MERTK: variants seen among roughly 807,000 people sequenced by gnomAD.
MERTK encodes MER proto-oncogene, tyrosine kinase, also known as tyrosine-protein kinase Mer.
A neutral mutation model predicts 99.3 loss-of-function variants in MERTK; 69 were observed. That is an observed-to-expected ratio of 0.70 (90% CI 0.57 to 0.85). The LOEUF is 0.85. MERTK is among the 40% of genes least tolerant of loss of function. The probability of loss-of-function intolerance (pLI) is 0.00; values close to 1 mark genes in which losing one functional copy is unlikely to be tolerated. For synonymous variants in MERTK, 426 were observed against 467.6 expected, an observed-to-expected ratio of 0.91 and a Z score of 1.15; for missense variants, 1,125 against 1,249.4, an observed-to-expected ratio of 0.90 and a Z score of 1.50.
At chr2:111,997,579 G>C (rs1676776127) in intron 10 of MERTK, 103 bp downstream of exon 10, 1 of 1,378,272 alleles carries the variant, frequency 7.3e-7, no homozygotes, top group Admixed American at 1.8e-5. Context: ...ATTGCTCCCA[G>C]ATGGCTGCCC....
intron 1 of MERTK, among the ~76,000 whole-genome samples, chr2:111,907,905 A>G (rs775066468): frequency 1.3e-5 from 2 of 152,226 alleles, no homozygotes; most frequent in African/African-American, 2.4e-5. Context: ...GCATTTTCGC[A>G]AGGTAGAAGC....
chr2:111,957,939 C>T (rs1407560810), intron 4 of MERTK, among the ~76,000 whole-genome samples: 2 of 152,194 alleles, frequency 1.3e-5, no homozygotes, highest in South Asian at 2.1e-4. Flanking sequence ...GTTGCTCCCT[C>T]AGCAATTCGG....
chr2:111,985,793 G>T (rs1676467844), intron 8 of MERTK, among the ~76,000 whole-genome samples: 2 of 152,062 alleles, frequency 1.3e-5, no homozygotes, highest in African/African-American at 4.8e-5. Flanking sequence ...CCTCCCACCA[G>T]GACCCTCCCA....
chr2:111,904,278 A>G (rs1684096929), intron 1 of MERTK, among the ~76,000 whole-genome samples: 1 of 151,922 alleles, frequency 6.6e-6, no homozygotes, highest in South Asian at 2.1e-4. Flanking sequence ...AACTTTTCCC[A>G]CATAACTCTT....
rs1683969481 is a variant in MERTK at position 111,898,612 on chromosome 2, G to T, written c.-124G>T. The T allele has an allele frequency of 1.7e-6, 2 of 1,158,370 alleles. No individual in the cohort carries two copies. The highest frequency in any genetic ancestry group is 2.5e-6 in the Non-Finnish European group (2 of 798,174). The allele number at this position is 1,158,370 out of a possible 1,614,324, so 71.8% of individuals were successfully genotyped here. On this transcript the variant is annotated 5_prime_UTR_variant, in exon 1 of 19. Coordinates refer to ENST00000295408, the MANE Select transcript of MERTK (RefSeq NM_006343.3). ...GCCGGCCGCTTGGCTCCGCCACTCGGCACTCACTGCCCGGGCCGCCCGGAC... is the reference window on the plus strand; with the variant it reads ...GCCGGCCGCTTGGCTCCGCCACTCGTCACTCACTGCCCGGGCCGCCCGGAC...
intron 6 of MERTK, among the ~76,000 whole-genome samples, chr2:111,973,668 G>A (rs1044457489): frequency 1.3e-5 from 2 of 152,134 alleles, no homozygotes; most frequent in East Asian, 1.9e-4. Flanking sequence ...TGTTTTACCC[G>A]ATATCATTTT....
Position 111,966,797 on chromosome 2 carries a change from A to G in MERTK, c.845-1340A>G, listed in dbSNP as rs1421776119. Reference sequence around the variant, plus strand: ...AGTGAGTCAAACCTTATTCTTCCCCATTCCCAAGGCTTTGTGTGTACTAAT... The same window carrying G: ...AGTGAGTCAAACCTTATTCTTCCCCGTTCCCAAGGCTTTGTGTGTACTAAT... On this transcript the variant is annotated intron_variant, in intron 5 of 18. Coordinates refer to ENST00000295408, the MANE Select transcript of MERTK (RefSeq NM_006343.3). Among the ~76,000 whole-genome samples, 6 of 152,158 alleles carry G rather than the reference A, an allele frequency of 3.9e-5. 1 individual carries two copies. Among genetic ancestry groups the G allele is most frequent in the African/African-American group, 1.4e-4 (6 of 41,426 alleles).
In MERTK at chr2:111,947,630, C is replaced by T. The variant is rs112234972; in HGVS notation, c.757+63C>T. ...ATAGCGGACAGGATCAAAAGTTTGGCGACCCTTGCTGTGCACCACTAGCAG... is the reference window on the plus strand; with the variant it reads ...ATAGCGGACAGGATCAAAAGTTTGGTGACCCTTGCTGTGCACCACTAGCAG... On this transcript the variant is annotated intron_variant, in intron 4 of 18. Transcript: ENST00000295408. The T allele has an allele frequency of 1.5e-4, 231 of 1,590,064 alleles. 2 individuals are homozygous for T. The East Asian group carries it at 1.5e-3, about 10-fold the overall frequency.
At chr2:111,918,293 G>A (rs752975274) in intron 1 of MERTK, among the ~76,000 whole-genome samples, 2 of 152,184 alleles carry the variant, frequency 1.3e-5, no homozygotes, top group African/African-American at 2.4e-5. Flanking sequence ...CTGGTCTTCC[G>A]GAGATAGTCA....
At chr2:112,026,028 T>C (rs1413312687) in intron 18 of MERTK, 1 of 153,218 alleles carries the variant, frequency 6.5e-6, no homozygotes, top group Non-Finnish European at 1.5e-5. Context: ...AAAATAAAAA[T>C]GACCATTTAC....
chr2:112,022,119 A>G (rs999964830), intron 17 of MERTK, 139 bp from the exon 18 acceptor site: 19 of 1,154,860 alleles, frequency 1.6e-5, no homozygotes, highest in South Asian at 5.2e-5. Context: ...CCGCGTTGGG[A>G]GAGCAGTGCG....
intron 6 of MERTK, 111 bp downstream of exon 6, chr2:111,968,363 G>C (rs1685400158): frequency 1.2e-6 from 1 of 833,696 alleles, no homozygotes; most frequent in Non-Finnish European, 2.0e-6. Flanking sequence ...TCTCTGTACA[G>C]AGTCCCCTGA....
At chr2:111,922,538 G>A (rs1032985405) in intron 1 of MERTK, among the ~76,000 whole-genome samples, 4 of 152,132 alleles carry the variant, frequency 2.6e-5, no homozygotes, top group Non-Finnish European at 4.4e-5. Context: ...CCTTATCCCC[G>A]CAGGGCCCAG....
chr2:112,024,851 G>A (rs542329589), intron 18 of MERTK: 3 of 153,596 alleles, frequency 2.0e-5, no homozygotes, highest in African/African-American at 7.2e-5. Context: ...GATCACTTGA[G>A]TTTAGGAGGT....
intron 8 of MERTK, among the ~76,000 whole-genome samples, chr2:111,989,420 G>A (rs1379520631): frequency 2.0e-5 from 3 of 150,394 alleles, no homozygotes; most frequent in East Asian, 1.9e-4. Flanking sequence ...GCAGTGGTGC[G>A]GTCTCCACTC....
chr2:111,958,865 G>A (rs901508859), intron 4 of MERTK, among the ~76,000 whole-genome samples: 2 of 151,998 alleles, frequency 1.3e-5, no homozygotes, highest in Admixed American at 1.3e-4. Context: ...ATAAACCTCC[G>A]GTTTTACCAC....
chr2:111,899,821 C>T (rs893569384), intron 1 of MERTK, among the ~76,000 whole-genome samples: 2 of 152,042 alleles, frequency 1.3e-5, no homozygotes, highest in East Asian at 1.9e-4. Context: ...CGGCTTGTTC[C>T]AGGCATTTTA....
intron 8 of MERTK, among the ~76,000 whole-genome samples, chr2:111,989,724 C>T (rs923349820): frequency 6.6e-6 from 1 of 152,184 alleles, no homozygotes; most frequent in East Asian, 1.9e-4. Flanking sequence ...AGTACCACCG[C>T]AGTTGCCCTG....
chr2:111,929,261 C>T lies in MERTK; in HGVS notation c.203C>T (p.Thr68Ile), dbSNP rs2104686522. 1 of 1,614,238 alleles carries T rather than the reference C, an allele frequency of 6.2e-7. No homozygotes were observed. Among genetic ancestry groups the T allele is most frequent in the Non-Finnish European group, 8.5e-7 (1 of 1,180,038 alleles). The change falls in exon 2 of 19, where the codon ACC becomes ATC. Residue 68 changes from threonine (T) to isoleucine (I), a missense_variant. Transcript: ENST00000295408. ...CAGCCTGCCTTGATGTTTTCACCAA[C>T]CCAGCCTGGAAGACCACATACAGGA... ...GYQPALMFSP[T>I]QPGRPHTGNV...
Sources: allele counts gnomAD v4.1 joint callset (sites outside exome capture counted in the v4.1 genomes callset), GRCh38; gene constraint gnomAD v4.1.1; transcripts MANE v1.5; gene names NCBI Gene and HGNC (gene_info 2026-07-23, HGNC 2026-07-21).